MAPK8: variants seen among roughly 807,000 people sequenced by gnomAD.
MAPK8 encodes mitogen-activated protein kinase 8.
A neutral mutation model predicts 52.9 loss-of-function variants in MAPK8; 13 were observed. The ratio of observed to expected loss-of-function variants is 0.25; its 90% CI spans 0.16 to 0.39. The LOEUF is 0.39. MAPK8 is among the 10% of genes least tolerant of loss of function. The pLI, the probability that MAPK8 is intolerant of heterozygous loss-of-function variation, is 1.00. For missense variants in MAPK8, 300 were observed against 519.2 expected, an observed-to-expected ratio of 0.58 and a Z score of 4.10; for synonymous variants, 191 against 169.8, an observed-to-expected ratio of 1.12 and a Z score of -0.97.
chr10:48,381,892 T>C (rs1489349158), intron 1 of MAPK8, among the ~76,000 whole-genome samples: 1 of 152,184 alleles, frequency 6.6e-6, no homozygotes, highest in African/African-American at 2.4e-5. Context: ...TCCTCAGTCA[T>C]ACTGAGTCGC....
At chr10:48,338,180 G>A (rs184655538) in intron 1 of MAPK8, among the ~76,000 whole-genome samples, 78 of 152,130 alleles carry the variant, frequency 5.1e-4, no homozygotes, top group Admixed American at 2.0e-3. Context: ...CAGCATCCCT[G>A]ATGAAGATAG....
intron 5 of MAPK8, among the ~76,000 whole-genome samples, chr10:48,414,837 C>T (rs367874244): frequency 6.6e-6 from 1 of 152,108 alleles, no homozygotes; most frequent in African/African-American, 2.4e-5. Context: ...CTGCCTTGAC[C>T]TCCCAAAGTG....
At chr10:48,320,728 G>A (rs1218401073) in intron 1 of MAPK8, among the ~76,000 whole-genome samples, 1 of 151,946 alleles carries the variant, frequency 6.6e-6, no homozygotes, top group Non-Finnish European at 1.5e-5. Flanking sequence ...ATTTCTCTTG[G>A]GTATGTATCC....
intron 1 of MAPK8, among the ~76,000 whole-genome samples, chr10:48,347,148 A>G (rs1000843444): frequency 1.3e-5 from 2 of 152,110 alleles, no homozygotes; most frequent in African/African-American, 4.8e-5. Context: ...GCTGGTCCCT[A>G]CAAAAGCCTA....
intron 1 of MAPK8, among the ~76,000 whole-genome samples, chr10:48,401,039 G>C (rs1347489673): frequency 6.6e-6 from 1 of 152,138 alleles, no homozygotes; most frequent in Non-Finnish European, 1.5e-5. Context: ...CTCAGTATGT[G>C]TGTTACACCA....
chr10:48,380,383 C>CT (rs997363600), intron 1 of MAPK8, among the ~76,000 whole-genome samples: 28 of 152,312 alleles, frequency 1.8e-4, no homozygotes, highest in African/African-American at 5.3e-4. Flanking sequence ...TCTGACAGTG[C>CT]TTTCCATGTT....
chr10:48,348,930 T>G (rs1846039633), intron 1 of MAPK8, among the ~76,000 whole-genome samples: 1 of 141,394 alleles, frequency 7.1e-6, no homozygotes, highest in Non-Finnish European at 1.5e-5. Flanking sequence ...TGGAGGAATA[T>G]TTACCAAGCA....
intron 7 of MAPK8, 157 bp from the exon 8 acceptor site, chr10:48,425,731 C>T (rs1246017103): frequency 4.2e-6 from 2 of 472,688 alleles, no homozygotes; most frequent in African/African-American, 1.9e-5. Context: ...TGTCCACCTA[C>T]AATCATTGCC....
intron 1 of MAPK8, among the ~76,000 whole-genome samples, chr10:48,311,389 T>C (rs912323828): frequency 1.3e-5 from 2 of 152,210 alleles, no homozygotes; most frequent in African/African-American, 4.8e-5. Context: ...TATTAACATT[T>C]GGACCAGTAA....
At position 48,426,221 on chromosome 10, in the gene MAPK8, T is replaced by G. The variant is rs1231401670; in HGVS notation, c.871+151T>G. On this transcript the variant is annotated intron_variant, in intron 8 of 11. Coordinates refer to ENST00000374189, the MANE Select transcript of MAPK8 (RefSeq NM_001323329.2). ...GGAAAAAAATGAGGTTTTTGTTTTT[T>G]TTTTCTTTAATCTTATATATTTTAA... 3 of 922,224 alleles carry G rather than the reference T, an allele frequency of 3.3e-6. No individual in the cohort carries two copies. In the East Asian group the frequency reaches 8.7e-5, roughly 27 times the overall value. The allele number at this position is 922,224 out of a possible 1,614,324, so 57.1% of individuals were successfully genotyped here.
intron 6 of MAPK8, among the ~76,000 whole-genome samples, chr10:48,420,691 G>C (rs946332283): frequency 6.6e-6 from 1 of 152,060 alleles, no homozygotes; most frequent in African/African-American, 2.4e-5. Flanking sequence ...AGTGATATTT[G>C]CCTATATTTC....
chr10:48,415,667 G>GAATATTTAATGAGATAAA (rs1450118724), intron 5 of MAPK8, among the ~76,000 whole-genome samples: 8 of 152,124 alleles, frequency 5.3e-5, no homozygotes, highest in African/African-American at 1.9e-4. Flanking sequence ...ATGAGATAAA[G>GAATATTTAATGAGATAAA]TTGAATATGG....
chr10:48,388,169 A>G (rs1478128797), intron 1 of MAPK8, among the ~76,000 whole-genome samples: 1 of 152,190 alleles, frequency 6.6e-6, no homozygotes, highest in East Asian at 1.9e-4. Context: ...TTGTTTTAAT[A>G]ATAAACTCTA....
intron 1 of MAPK8, among the ~76,000 whole-genome samples, chr10:48,396,018 A>G (rs2041869589): frequency 6.6e-6 from 1 of 152,108 alleles, no homozygotes; most frequent in Non-Finnish European, 1.5e-5. Flanking sequence ...TTTATAAGGA[A>G]ACAAAAGAGA....
chr10:48,373,485 A>G (rs938549484), intron 1 of MAPK8, among the ~76,000 whole-genome samples: 4 of 146,712 alleles, frequency 2.7e-5, no homozygotes, highest in African/African-American at 9.9e-5. Flanking sequence ...TCAGTGTGCT[A>G]TATTCAGGAG....
chr10:48,413,203 TG>T (rs1166192357), intron 5 of MAPK8, among the ~76,000 whole-genome samples: 2 of 152,186 alleles, frequency 1.3e-5, no homozygotes. Flanking sequence ...CAGTGGCAAT[TG>T]GGTTGGTTCC....
At chr10:48,422,703 T>C (rs1564615598) in intron 6 of MAPK8, among the ~76,000 whole-genome samples, 1 of 152,174 alleles carries the variant, frequency 6.6e-6, no homozygotes, top group Non-Finnish European at 1.5e-5. Flanking sequence ...GGCACTAATT[T>C]ATAAATATTA....
chr10:48,399,622 G>T (rs538418997), intron 1 of MAPK8, among the ~76,000 whole-genome samples: 7 of 152,234 alleles, frequency 4.6e-5, no homozygotes, highest in Non-Finnish European at 8.8e-5. Context: ...CCTACTGCAT[G>T]CATGTTCCTG....
intron 5 of MAPK8, among the ~76,000 whole-genome samples, chr10:48,416,495 A>G (rs964695715): frequency 9.9e-5 from 15 of 152,194 alleles, no homozygotes; most frequent in African/African-American, 3.1e-4. Flanking sequence ...ACACCTTCTT[A>G]AGGGAAATAA....
Sources: gnomAD v4.1 joint callset for allele counts (sites outside exome capture counted in the v4.1 genomes callset) on GRCh38, gnomAD v4.1.1 for gene constraint, MANE v1.5 for transcripts, NCBI Gene and HGNC (gene_info 2026-07-23, HGNC 2026-07-21) for gene names.